OGDHL: variants seen among roughly 807,000 people sequenced by gnomAD.
OGDHL encodes oxoglutarate dehydrogenase L.
OGDHL carries 79 observed loss-of-function variants against 109.6 expected under a neutral mutation model. The observed-to-expected ratio is 0.72, with a 90% CI of 0.60 to 0.87. The LOEUF (loss-of-function observed/expected upper bound fraction) is 0.87. Among genes scored for constraint, OGDHL ranks in the 40% least tolerant of loss-of-function variants. The pLI, the probability that OGDHL is intolerant of heterozygous loss-of-function variation, is 0.00. For missense variants in OGDHL, 1,275 were observed against 1,362.2 expected (o/e 0.94, Z 1.01); for synonymous variants, 528 against 537.2 (o/e 0.98, Z 0.24).
intron 6 of OGDHL, 21 bp from the exon 7 acceptor site, chr10:49,751,006 A>T: frequency 6.3e-7 from 1 of 1,577,336 alleles, no homozygotes; most frequent in Non-Finnish European, 8.7e-7. Flanking sequence ...AGAGGATGGG[A>T]AGAGGAAAGG....
At chr10:49,741,013 C>T (rs957994268) in intron 15 of OGDHL, among the ~76,000 whole-genome samples, 176 bp from the exon 16 acceptor site, 1 of 152,110 alleles carries the variant, frequency 6.6e-6, no homozygotes, top group Non-Finnish European at 1.5e-5. Context: ...GCCATGTGGT[C>T]CCTCCTGCAG....
At position 49,745,489 on chromosome 10, in the gene OGDHL, T is replaced by G. The variant is rs1590719623; in HGVS notation, c.1484A>C (p.Tyr495Ser). 6.2e-7 allele frequency: 1 copy of G among 1,613,804 alleles called. No homozygotes were observed. The highest frequency in any genetic ancestry group is 2.2e-5 in the East Asian group (1 of 44,872). Residue 495 changes from tyrosine to serine, a missense_variant, in exon 12 of 23, where the codon TAC becomes TCC. Coordinates refer to ENST00000374103, the MANE Select transcript of OGDHL (RefSeq NM_018245.3). ...CATCTCATTGTGGCCACGCCGGCGG[T>G]AACAGACCTGCAGGAGCAGCCAGAG... is the stretch of plus-strand genomic sequence containing the variant. Reference protein sequence around the residue: ...NKDVVVDLVCYRRRGHNEMDE... With the variant: ...NKDVVVDLVCSRRRGHNEMDE...
intron 8 of OGDHL, among the ~76,000 whole-genome samples, 181 bp downstream of exon 8, chr10:49,749,545 C>G (rs1386975813): frequency 6.6e-6 from 1 of 152,144 alleles, no homozygotes; most frequent in Non-Finnish European, 1.5e-5. Context: ...GAGACTGCAG[C>G]CCTTGCTCCA....
chr10:49,752,643 T>C lies in OGDHL; in HGVS notation c.473A>G (p.Lys158Arg). Residue 158 changes from lysine (K) to arginine (R), a missense_variant, in exon 4 of 23, where the codon AAA (lysine) becomes AGA (arginine). Transcript: ENST00000374103. ...GTCCTGAGGAAGGGTCTTACCCAGTTTATCAATGGTTGTGATCAAGTCTGA... is the reference window on the plus strand; with the variant it reads ...GTCCTGAGGAAGGGTCTTACCCAGTCTATCAATGGTTGTGATCAAGTCTGA... ...VPSDLITTID[K>R]LAFYDLQEAD... 1.9e-6 allele frequency: 3 copies of C among 1,613,924 alleles called. No homozygotes were observed. Among genetic ancestry groups the C allele is most frequent in the Non-Finnish European group, 2.5e-6 (3 of 1,179,782 alleles).
rs1007723936 is a variant in OGDHL at position 49,758,377 on chromosome 10, G to A, written c.204+12C>T. The A allele has an allele frequency of 1.4e-5, 23 of 1,601,082 alleles. No individual in the cohort carries two copies. Among genetic ancestry groups the A allele is most frequent in the Admixed American group, 1.0e-4 (6 of 59,626 alleles). ...CCCTTGCGGTGGCCCAGGGTAGGGT[G>A]GGGATGCTGACCTTGTGGACACTCT... On this transcript the variant is annotated intron_variant, in intron 2 of 22. Coordinates refer to ENST00000374103, the MANE Select transcript of OGDHL (RefSeq NM_018245.3).
Position 49,739,703 on chromosome 10 carries a change from A to G in OGDHL, c.2277T>C (p.His759=), listed in dbSNP as rs753404789. ...ISTGQAKWVR[H]NGIVLLLPHG... ...GGGGCAGCAGCAGCACAATGCCATTATGCCGCACCCACTTGGCCTGGCCGG... is the reference window on the plus strand; with the variant it reads ...GGGGCAGCAGCAGCACAATGCCATTGTGCCGCACCCACTTGGCCTGGCCGG... The change falls in exon 17 of 23, where the codon CAT becomes CAC. Residue 759 remains histidine, a synonymous_variant. Coordinates refer to ENST00000374103, the MANE Select transcript of OGDHL (RefSeq NM_018245.3). 6 of 1,614,082 alleles carry G rather than the reference A, an allele frequency of 3.7e-6. No homozygotes were observed. The Admixed American group carries it at 1.0e-4, about 27-fold the overall frequency.
At chr10:49,747,248 C>G (rs765324137) in intron 8 of OGDHL, 40 bp from the exon 9 acceptor site, 7 of 1,598,320 alleles carry the variant, frequency 4.4e-6, no homozygotes, top group Non-Finnish European at 6.0e-6. Flanking sequence ...CCTCCCCTCC[C>G]ACATCAGACA....
intron 20 of OGDHL, among the ~76,000 whole-genome samples, chr10:49,737,167 G>A (rs72795764): frequency 0.038 from 5,829 of 152,178 alleles, 159 homozygotes; most frequent in African/African-American, 0.066. Context: ...GTCCAGTCCC[G>A]ACATCAGAGC....
chr10:49,757,382 G>A (rs933287896), intron 2 of OGDHL, among the ~76,000 whole-genome samples: 6 of 152,174 alleles, frequency 3.9e-5, no homozygotes, highest in Admixed American at 6.5e-5. Context: ...ATGTAAAAGC[G>A]CTTTCCTCCG....
At chr10:49,745,266 G>T in intron 12 of OGDHL, 78 bp downstream of exon 12, 1 of 1,550,180 alleles carries the variant, frequency 6.5e-7, no homozygotes, top group Non-Finnish European at 8.8e-7. Flanking sequence ...CCAGCACTGG[G>T]CTGGTAACAT....
chr10:49,738,112 C>A, intron 18 of OGDHL, 40 bp from the exon 19 acceptor site: 2 of 1,613,986 alleles, frequency 1.2e-6, no homozygotes, highest in South Asian at 2.2e-5. Flanking sequence ...TGGCTGTCTG[C>A]TGCACCCACA....
chr10:49,750,633 A>C (rs1384101328), intron 7 of OGDHL, among the ~76,000 whole-genome samples: 1 of 152,182 alleles, frequency 6.6e-6, no homozygotes, highest in African/African-American at 2.4e-5. Flanking sequence ...TAACCTGGTT[A>C]GCACCCGGCC....
At chr10:49,754,760 A>G (rs1842818359) in intron 3 of OGDHL, among the ~76,000 whole-genome samples, 1 of 152,202 alleles carries the variant, frequency 6.6e-6, no homozygotes, top group South Asian at 2.1e-4. Flanking sequence ...ACAATGGGAC[A>G]GATGAAATGA....
At chr10:49,746,006 C>T (rs1183405885) in intron 10 of OGDHL, 29 bp from the exon 11 acceptor site, 1 of 1,609,034 alleles carries the variant, frequency 6.2e-7, no homozygotes, top group South Asian at 1.1e-5. Context: ...CCTGCTGCGC[C>T]TCTCAATTTA....
chr10:49,747,180 C>A lies in OGDHL; in HGVS notation c.1016G>T (p.Gly339Val), dbSNP rs1303222508. 2 of 1,614,164 alleles carry A rather than the reference C, an allele frequency of 1.2e-6. No individual in the cohort carries two copies. Among genetic ancestry groups the A allele is most frequent in the Non-Finnish European group, 1.7e-6 (2 of 1,180,002 alleles). ...EGSGDVKYHL[G>V]MYHERINRVT... The stretch of plus-strand genomic sequence containing the variant: ...GCGGTTGATCCTCTCATGGTACATG[C>A]CCAGGTGGTACTTGACATCCCCGGA... The change falls in exon 9 of 23, where the codon GGC becomes GTC. Residue 339 changes from glycine to valine, a missense_variant. Physicochemically the swap from Gly to Val is moderately radical, Grantham distance 109 (BLOSUM62 -3). Coordinates refer to ENST00000374103, the MANE Select transcript of OGDHL (RefSeq NM_018245.3).
At chr10:49,759,363 T>C (rs1258186) in intron 1 of OGDHL, among the ~76,000 whole-genome samples, 101,579 of 151,918 alleles carry the variant, frequency 0.67, 34,367 homozygotes, top group East Asian at 0.93. Context: ...CAGCTAACAG[T>C]CCAGGCAGGT....
chr10:49,741,201 C>T (rs1435459067), intron 15 of OGDHL, among the ~76,000 whole-genome samples: 2 of 152,066 alleles, frequency 1.3e-5, no homozygotes, highest in East Asian at 3.9e-4. Flanking sequence ...GAGCCAGAGA[C>T]CCTAGGAGGC....
Position 49,746,867 on chromosome 10 carries a change from G to T in OGDHL, c.1179C>A (p.Ile393=). Residue 393 remains isoleucine (I), a synonymous_variant, in exon 10 of 23, where the codon ATC becomes ATA. Transcript: ENST00000374103. ...CAAAGGCGGCGTCCCCATGAACCAG[G>T]ATGGACATGACCTGCAGGGCAGGTG... The part of the protein sequence containing the change: ...GDAQGKKVMS[I]LVHGDAAFAG... The T allele has an allele frequency of 6.2e-7, 1 of 1,614,118 alleles. No individual in the cohort carries two copies. Among genetic ancestry groups the T allele is most frequent in the South Asian group, 1.1e-5 (1 of 91,084 alleles).
At chr10:49,749,916 C>A in intron 7 of OGDHL, 100 bp from the exon 8 acceptor site, 3 of 994,630 alleles carry the variant, frequency 3.0e-6, no homozygotes, top group Non-Finnish European at 3.0e-6. Context: ...ACAGCCCCTT[C>A]GTGCCCAGAG....
Sources: allele counts gnomAD v4.1 joint callset (sites outside exome capture counted in the v4.1 genomes callset), GRCh38; gene constraint gnomAD v4.1.1; transcripts MANE v1.5; gene names NCBI Gene and HGNC (gene_info 2026-07-23, HGNC 2026-07-21).